ROBO1: variants seen among roughly 807,000 people sequenced by gnomAD.
ROBO1 encodes the protein roundabout homolog 1.
ROBO1 carries 149 observed loss-of-function variants against 195.9 expected under a neutral mutation model. That is an observed-to-expected ratio of 0.76 (90% CI 0.67 to 0.87). ROBO1 has a LOEUF of 0.87. Among genes scored for constraint, ROBO1 ranks in the 40% least tolerant of loss-of-function variants. The pLI, the probability that ROBO1 is intolerant of heterozygous loss-of-function variation, is 0.00. For missense variants in ROBO1, 1,933 were observed against 2,068.3 expected (o/e 0.93, Z 1.27); for synonymous variants, 816 against 733.2 (o/e 1.11, Z -1.82).
intron 2 of ROBO1, among the ~76,000 whole-genome samples, chr3:79,431,722 A>G (rs2038687166): frequency 6.6e-6 from 1 of 152,194 alleles, no homozygotes; most frequent in African/African-American, 2.4e-5. Flanking sequence ...AAATGACTCA[A>G]TGAAGCTAAA....
At chr3:78,882,957 C>T (rs1410582149) in intron 4 of ROBO1, among the ~76,000 whole-genome samples, 1 of 151,868 alleles carries the variant, frequency 6.6e-6, no homozygotes, top group Non-Finnish European at 1.5e-5. Context: ...GGATTACAGG[C>T]ATACGCCACC....
intron 2 of ROBO1, among the ~76,000 whole-genome samples, chr3:79,173,292 G>C (rs765133875): frequency 6.6e-6 from 1 of 152,148 alleles, no homozygotes; most frequent in Non-Finnish European, 1.5e-5. Flanking sequence ...TTCCTGGGCT[G>C]ACCGAGGCTG....
At chr3:78,857,667 A>G (rs1410039182) in intron 4 of ROBO1, among the ~76,000 whole-genome samples, 2 of 152,160 alleles carry the variant, frequency 1.3e-5, no homozygotes, top group Non-Finnish European at 2.9e-5. Flanking sequence ...GGACGTGGCC[A>G]GAAATCTGTG....
chr3:78,631,090 A>G, intron 25 of ROBO1, 71 bp downstream of exon 25: 3 of 1,485,098 alleles, frequency 2.0e-6, no homozygotes, highest in Non-Finnish European at 2.7e-6. Flanking sequence ...ACCACCTAGT[A>G]TAATAATTGC....
chr3:79,579,737 A>G (rs530295076), intron 2 of ROBO1, among the ~76,000 whole-genome samples: 1 of 152,188 alleles, frequency 6.6e-6, no homozygotes, highest in Non-Finnish European at 1.5e-5. Flanking sequence ...TACAGTAACT[A>G]TCTAGAAGCC....
chr3:78,785,655 A>G (rs2083811566), intron 4 of ROBO1, among the ~76,000 whole-genome samples: 1 of 152,084 alleles, frequency 6.6e-6, no homozygotes, highest in South Asian at 2.1e-4. Flanking sequence ...TCCCTCTTAC[A>G]TGCTGGTTCA....
chr3:79,128,812 A>G (rs2080266866), intron 2 of ROBO1, among the ~76,000 whole-genome samples: 1 of 152,100 alleles, frequency 6.6e-6, no homozygotes, highest in Non-Finnish European at 1.5e-5. Context: ...TGTTTTTTAA[A>G]TTTGTTTTAA....
intron 2 of ROBO1, among the ~76,000 whole-genome samples, chr3:79,173,707 G>A (rs1333475861): frequency 4.6e-5 from 7 of 152,150 alleles, no homozygotes; most frequent in African/African-American, 1.7e-4. Flanking sequence ...GAGGAGTGCG[G>A]GCACAGGGTG....
chr3:78,660,828 A>G lies in ROBO1; in HGVS notation c.2320+202T>C, dbSNP rs1211503890. On this transcript the variant is annotated intron_variant, in intron 16 of 30. Transcript: ENST00000464233. ...CACATTTACACATTTGAGGTAGGCC[A>G]CTATTGAAGCAAGTCAACTATTATA... 6.2e-6 allele frequency: 3 copies of G among 481,960 alleles called. No homozygotes were observed. The East Asian group carries it at 9.2e-5, about 15-fold the overall frequency. 29.9% of individuals were successfully genotyped at this position (481,960 alleles called of 1,614,324 possible).
intron 2 of ROBO1, among the ~76,000 whole-genome samples, chr3:79,391,030 C>T (rs1235128645): frequency 6.6e-6 from 1 of 151,210 alleles, no homozygotes; most frequent in Non-Finnish European, 1.5e-5. Flanking sequence ...GATGGTGGCT[C>T]ATGCCTGTAA....
intron 2 of ROBO1, among the ~76,000 whole-genome samples, chr3:79,565,265 C>A (rs1943054221): frequency 6.6e-6 from 1 of 151,648 alleles, no homozygotes; most frequent in Admixed American, 6.6e-5. Flanking sequence ...TCAGACAGAA[C>A]TGTTTACATT....
chr3:78,959,223 T>C (rs956461338), intron 3 of ROBO1, among the ~76,000 whole-genome samples: 1 of 152,196 alleles, frequency 6.6e-6, no homozygotes, highest in Non-Finnish European at 1.5e-5. Context: ...TATAAACTGT[T>C]TTAAAACAAA....
In ROBO1 at chr3:79,377,972, T is replaced by C. The variant is rs76777347; in HGVS notation, c.88+211852A>G. On this transcript the variant is annotated intron_variant, in intron 2 of 30. Transcript: ENST00000464233. ...AAGGTAAAACACTGATTAATTGGAA[T>C]GGCAGTCCTCATGTTCTTGCTCATG... Among the ~76,000 whole-genome samples, 1,248 of 152,330 alleles carry C rather than the reference T, an allele frequency of 8.2e-3. 21 individuals are homozygous for C. The highest frequency in any genetic ancestry group is 0.029 in the African/African-American group (1,187 of 41,566).
At chr3:79,613,123 A>G (rs1003852114) in intron 1 of ROBO1, among the ~76,000 whole-genome samples, 6 of 37,170 alleles carry the variant, frequency 1.6e-4, no homozygotes, top group African/African-American at 6.6e-4. Flanking sequence ...TGGAATTTCA[A>G]AAGGACTGGG....
At chr3:79,338,629 A>G (rs183424323) in intron 2 of ROBO1, among the ~76,000 whole-genome samples, 2 of 152,102 alleles carry the variant, frequency 1.3e-5, no homozygotes, top group Non-Finnish European at 2.9e-5. Flanking sequence ...ATGCTAGGAC[A>G]TTGTCTCTCA....
chr3:79,238,168 A>C (rs1018523664), intron 2 of ROBO1, among the ~76,000 whole-genome samples: 7 of 152,194 alleles, frequency 4.6e-5, no homozygotes, highest in Non-Finnish European at 1.0e-4. Flanking sequence ...TATTTAGTAC[A>C]TTTTCAATTC....
intron 1 of ROBO1, among the ~76,000 whole-genome samples, chr3:79,737,704 T>A (rs1703447635): frequency 6.6e-6 from 1 of 151,542 alleles, no homozygotes. Context: ...TTTGAACAGG[T>A]CTGTCAGAAA....
At chr3:78,659,611 C>A (rs1295862166) in intron 17 of ROBO1, 75 bp downstream of exon 17, 11 of 1,163,258 alleles carry the variant, frequency 9.5e-6, no homozygotes, top group African/African-American at 1.6e-5. Context: ...TAAACAAATA[C>A]CAGCCTGCTT....
chr3:79,108,617 T>C (rs1037451769), intron 3 of ROBO1, among the ~76,000 whole-genome samples: 1 of 151,702 alleles, frequency 6.6e-6, no homozygotes, highest in African/African-American at 2.4e-5. Flanking sequence ...ACAAGAGCAA[T>C]AGGTTAAAAT....
Sources: gnomAD v4.1 joint callset for allele counts (sites outside exome capture counted in the v4.1 genomes callset) on GRCh38, gnomAD v4.1.1 for gene constraint, MANE v1.5 for transcripts, NCBI Gene and HGNC (gene_info 2026-07-23, HGNC 2026-07-21) for gene names.